The following FHIT variants were observed in gnomAD, a reference collection of about 807,000 sequenced individuals.
FHIT encodes bis(5'-adenosyl)-triphosphatase.
A neutral mutation model predicts 17.9 loss-of-function variants in FHIT; 19 were observed. That is an observed-to-expected ratio of 1.06 (90% CI 0.74 to 1.56). The LOEUF is 1.56. Ranked by LOEUF, FHIT falls within the 40% of genes most tolerant of loss-of-function variation. The probability of loss-of-function intolerance (pLI) is 0.00; values close to 1 mark genes in which losing one functional copy is unlikely to be tolerated. For missense variants in FHIT, 248 were observed against 189.2 expected (o/e 1.31, Z -1.82); for synonymous variants, 81 against 69.7 (o/e 1.16, Z -0.81).
chr3:60,536,702 A>G (rs1393473849), intron 5 of FHIT, 158 bp downstream of exon 5: 5 of 649,456 alleles, frequency 7.7e-6, no homozygotes, highest in African/African-American at 3.7e-5. Context: ...AATAAATATG[A>G]GTAACATCTT....
At chr3:60,970,106 G>A (rs1424815212) in intron 3 of FHIT, among the ~76,000 whole-genome samples, 1 of 152,112 alleles carries the variant, frequency 6.6e-6, no homozygotes, top group African/African-American at 2.4e-5. Flanking sequence ...TTACAGGTGT[G>A]AGCTACCAGG....
Position 60,803,381 on chromosome 3 carries a change from G to A in FHIT, c.-18+18538C>T, listed in dbSNP as rs185140445. On this transcript the variant is annotated intron_variant, in intron 4 of 9. Coordinates refer to ENST00000492590, the MANE Select transcript of FHIT (RefSeq NM_002012.4). The stretch of plus-strand genomic sequence containing the variant: ...AAACAGGATGGCATTCTTCCATCGT[G>A]ATTAGAGGTTTTGTGAGCATTTTGG... Among the ~76,000 whole-genome samples, 113 of 152,310 alleles carry A rather than the reference G, an allele frequency of 7.4e-4. 1 individual carries two copies. Among genetic ancestry groups the A allele is most frequent in the East Asian group, 1.5e-3 (8 of 5,180 alleles).
intron 5 of FHIT, among the ~76,000 whole-genome samples, chr3:60,082,276 CATTCATGGTGCTGCAACAGACATG>C (rs1703321740): frequency 6.6e-6 from 1 of 151,410 alleles, no homozygotes; most frequent in Non-Finnish European, 1.5e-5. Context: ...CCTGCAGCTG[CATTCATGGTGCTGCAACAGACATG>C]ATTTCATTCT....
intron 5 of FHIT, among the ~76,000 whole-genome samples, chr3:60,165,570 T>G (rs1701137420): frequency 6.6e-6 from 1 of 152,102 alleles, no homozygotes; most frequent in African/African-American, 2.4e-5. Flanking sequence ...TATTTTGCAA[T>G]AGACATGGTA....
rs763047666 is a variant in FHIT at position 60,397,477 on chromosome 3, G to A, written c.103+139383C>T. Among the ~76,000 whole-genome samples, 72 of 152,282 alleles carry A rather than the reference G, an allele frequency of 4.7e-4. 1 individual carries two copies. The highest frequency in any genetic ancestry group is 6.8e-3 in the Middle Eastern group (2 of 294). ...CAGTGAGAAAGTCTCACATGTAAAAGGAAGGAGTCTATGCTAACAGCTCAT... is the reference window on the plus strand; with the variant it reads ...CAGTGAGAAAGTCTCACATGTAAAAAGAAGGAGTCTATGCTAACAGCTCAT... On this transcript the variant is annotated intron_variant, in intron 5 of 9. Transcript: ENST00000492590.
At chr3:60,054,165 A>T (rs1701991917) in intron 5 of FHIT, among the ~76,000 whole-genome samples, 1 of 152,224 alleles carries the variant, frequency 6.6e-6, no homozygotes, top group Non-Finnish European at 1.5e-5. Flanking sequence ...AGAATTTTTT[A>T]AAGTTTTGGA....
chr3:60,019,043 G>GT (rs986713171), intron 5 of FHIT, among the ~76,000 whole-genome samples: 1 of 152,148 alleles, frequency 6.6e-6, no homozygotes, highest in African/African-American at 2.4e-5. Flanking sequence ...TCTGTGGATG[G>GT]TTTTTGCTGA....
chr3:60,710,867 G>A (rs1477411925), intron 4 of FHIT, among the ~76,000 whole-genome samples: 6 of 152,202 alleles, frequency 3.9e-5, no homozygotes, highest in Non-Finnish European at 7.3e-5. Context: ...CAAAAAGACA[G>A]CAGTAACCTC....
chr3:60,272,781 T>C (rs1706925422), intron 5 of FHIT, among the ~76,000 whole-genome samples: 1 of 152,184 alleles, frequency 6.6e-6, no homozygotes, highest in African/African-American at 2.4e-5. Flanking sequence ...CAACAGACAC[T>C]TGCATAGGCC....
intron 4 of FHIT, among the ~76,000 whole-genome samples, chr3:60,600,844 G>GA (rs2038420537): frequency 1.3e-5 from 2 of 152,160 alleles, no homozygotes; most frequent in Admixed American, 6.5e-5. Context: ...CTTTTTATGA[G>GA]AAGATGCCCC....
chr3:60,783,689 G>A (rs17063973), intron 4 of FHIT, among the ~76,000 whole-genome samples: 68,113 of 151,760 alleles, frequency 0.45, 16,267 homozygotes, highest in African/African-American at 0.56. Flanking sequence ...GTGTAAAAAG[G>A]GGGACTAATG....
intron 2 of FHIT, among the ~76,000 whole-genome samples, chr3:61,197,456 T>C (rs1331925724): frequency 3.3e-5 from 5 of 151,950 alleles, no homozygotes; most frequent in African/African-American, 1.2e-4. Flanking sequence ...GAGTGCAAAA[T>C]TGATATACCT....
At chr3:60,547,799 C>G (rs1013375921) in intron 4 of FHIT, among the ~76,000 whole-genome samples, 2 of 148,598 alleles carry the variant, frequency 1.3e-5, no homozygotes, top group South Asian at 4.2e-4. Flanking sequence ...TGTGTTCAGT[C>G]ATTTTTTTGA....
At chr3:60,819,805 T>A (rs1483411782) in intron 4 of FHIT, among the ~76,000 whole-genome samples, 1 of 152,122 alleles carries the variant, frequency 6.6e-6, no homozygotes, top group Non-Finnish European at 1.5e-5. Context: ...TCTGAGTCAG[T>A]CTTTGTAAAG....
intron 5 of FHIT, among the ~76,000 whole-genome samples, chr3:60,424,431 T>A (rs1370707354): frequency 6.6e-6 from 1 of 152,168 alleles, no homozygotes; most frequent in Non-Finnish European, 1.5e-5. Flanking sequence ...ACAAAATGTA[T>A]TTCTTGAAGA....
At chr3:61,162,822 C>A (rs2037735825) in intron 2 of FHIT, among the ~76,000 whole-genome samples, 1 of 152,146 alleles carries the variant, frequency 6.6e-6, no homozygotes, top group African/African-American at 2.4e-5. Context: ...CCTCAGAAAC[C>A]AGTTTTGCCC....
rs1449657549 is a variant in FHIT, at chr3:60,381,942, AACT to A, written c.103+154915_103+154917del. Among the ~76,000 whole-genome samples the A allele has an allele frequency of 4.0e-5, 6 of 150,186 alleles. 1 individual carries two copies. The highest frequency in any genetic ancestry group is 7.4e-5 in the Non-Finnish European group (5 of 67,576). On this transcript the variant is annotated intron_variant, in intron 5 of 9. Coordinates refer to ENST00000492590, the MANE Select transcript of FHIT (RefSeq NM_002012.4). ...TGTGCTGTCCAATATGGTAGGTGGT[AACT>A]ACAAGTAGGTATTTACATTAAAATT... is the stretch of plus-strand genomic sequence containing the variant.
At position 60,371,769 on chromosome 3, in the gene FHIT, T is replaced by C. The variant is rs961234103; in HGVS notation, c.103+165091A>G. On this transcript the variant is annotated intron_variant, in intron 5 of 9. Coordinates refer to ENST00000492590, the MANE Select transcript of FHIT (RefSeq NM_002012.4). ...GGTCATTTGCAAAGGTAGCAGGACATTGGGGAAGTAAAGAGAGAGAGCAAT... is the reference window on the plus strand; with the variant it reads ...GGTCATTTGCAAAGGTAGCAGGACACTGGGGAAGTAAAGAGAGAGAGCAAT... Among the ~76,000 whole-genome samples the C allele has an allele frequency of 2.0e-5, 3 of 152,068 alleles. No homozygotes were observed. In the East Asian group the frequency reaches 5.8e-4, roughly 29 times the overall value.
At chr3:60,350,009 C>T (rs1711004596) in intron 5 of FHIT, among the ~76,000 whole-genome samples, 1 of 152,198 alleles carries the variant, frequency 6.6e-6, no homozygotes, top group African/African-American at 2.4e-5. Flanking sequence ...TTTGATAAAA[C>T]AATAGAAGAC....
Sources: allele counts gnomAD v4.1 joint callset (sites outside exome capture counted in the v4.1 genomes callset), GRCh38; gene constraint gnomAD v4.1.1; transcripts MANE v1.5; gene names NCBI Gene and HGNC (gene_info 2026-07-23, HGNC 2026-07-21).